SEPTIN6: variants seen among roughly 807,000 people sequenced by gnomAD.
SEPTIN6 encodes septin-6.
SEPTIN6 carries 8 observed loss-of-function variants against 33.6 expected under a neutral mutation model. The ratio of observed to expected loss-of-function variants is 0.24; its 90% CI spans 0.14 to 0.43. SEPTIN6 has a LOEUF of 0.43. Among genes scored for constraint, SEPTIN6 ranks in the 20% least tolerant of loss-of-function variants. The pLI, the probability that SEPTIN6 is intolerant of heterozygous loss-of-function variation, is 1.00. For synonymous variants in SEPTIN6, 131 were observed against 140.0 expected (o/e 0.94, Z 0.45); for missense variants, 250 against 340.8 (o/e 0.73, Z 2.10).
At chrX:119,623,264 G>A (rs767361740) in intron 10 of SEPTIN6, among the ~76,000 whole-genome samples, 1 of 112,096 alleles carries the variant, frequency 8.9e-6, no homozygotes, top group Non-Finnish European at 1.9e-5. Flanking sequence ...TTCAAACACT[G>A]ACTAGACATT....
intron 2 of SEPTIN6, among the ~76,000 whole-genome samples, chrX:119,670,727 T>C (rs1320488670): frequency 1.8e-5 from 2 of 108,634 alleles, no homozygotes; most frequent in African/African-American, 6.7e-5. Context: ...TCACCTGAGG[T>C]TGGGAGTTTG....
At position 119,684,073 on chromosome X, in the gene SEPTIN6, G is replaced by A. The variant is rs1347131033; in HGVS notation, c.31-8405C>T. Among the ~76,000 whole-genome samples the A allele has an allele frequency of 4.6e-5, 5 of 108,691 alleles. 1 individual carries two copies. The highest frequency in any genetic ancestry group is 3.0e-4 in the Admixed American group (3 of 10,046). The allele number at this position is 108,691 out of a possible 115,157, so 94.4% of individuals were successfully genotyped here. A position where few individuals can be genotyped will look rare whatever the true frequency, so the allele number is the denominator to read the frequency against. ...TCCTGCCTCAGCTTCCTGAGTAGCT[G>A]GGATTACAGGTGTGTACCACCACAC... On this transcript the variant is annotated intron_variant, in intron 1 of 10. Transcript: ENST00000394610.
At chrX:119,656,485 G>A (rs865998103) in intron 3 of SEPTIN6, among the ~76,000 whole-genome samples, 17 of 112,243 alleles carry the variant, frequency 1.5e-4, no homozygotes, top group African/African-American at 4.9e-4. Flanking sequence ...TTTGAGCAAT[G>A]GGAAGACGGC....
rs779384782 is a variant in SEPTIN6 at position 119,675,638 on chromosome X, C to T, written c.61G>A (p.Gly21Arg). Reference sequence around the variant, plus strand: ...GGCAAGCTGTCAAACCCCACATGTCCAGCCAGGGGGACAGTTCGGCAACCT... The same window carrying T: ...GGCAAGCTGTCAAACCCCACATGTCTAGCCAGGGGGACAGTTCGGCAACCT... ...GEGCRTVPLA[G>R]HVGFDSLPDQ... The change falls in exon 2 of 11, where the codon GGA becomes AGA. Residue 21 changes from glycine to arginine, a missense_variant. Gly to Arg is a moderately radical substitution (Grantham distance 125, BLOSUM62 -2). This residue lies in a region of SEPTIN6 where 111 missense variants were observed against 113.8 expected (regional missense o/e 0.98). Transcript: ENST00000394610. The T allele has an allele frequency of 4.3e-6, 5 of 1,152,799 alleles. No individual in the cohort carries two copies. The highest frequency in any genetic ancestry group is 5.8e-6 in the Non-Finnish European group (5 of 861,781).
chrX:119,691,555 C>A (rs1299801313), intron 1 of SEPTIN6, among the ~76,000 whole-genome samples: 1 of 111,828 alleles, frequency 8.9e-6, no homozygotes. Context: ...CCTGTCTACT[C>A]CTGGTCCTTC....
chrX:119,690,723 C>CAA (rs772333455), intron 1 of SEPTIN6, among the ~76,000 whole-genome samples: 229 of 22,529 alleles, frequency 0.01, 4 homozygotes, highest in African/African-American at 0.019. Flanking sequence ...GACTCCGTCT[C>CAA]AAAAAAAAAA....
rs183114699 is a variant in SEPTIN6, at chrX:119,657,122, G to A, written c.342-4082C>T. 9.2e-3 allele frequency among the ~76,000 whole-genome samples: 980 copies of A among 106,314 alleles called. 10 individuals are homozygous for A. Among genetic ancestry groups the A allele is most frequent in the Middle Eastern group, 0.023 (5 of 213 alleles). The allele number at this position is 106,314 out of a possible 115,157, so 92.3% of individuals were successfully genotyped here. On this transcript the variant is annotated intron_variant, in intron 3 of 10. Transcript: ENST00000394610. ...TAGTCCCAGCTACTCGGGAGGCTGAGGCAGGAGAATTGCTTGAACCTGGGA... is the reference window on the plus strand; with the variant it reads ...TAGTCCCAGCTACTCGGGAGGCTGAAGCAGGAGAATTGCTTGAACCTGGGA...
intron 9 of SEPTIN6, among the ~76,000 whole-genome samples, chrX:119,626,888 T>C (rs2053864970): frequency 9.0e-6 from 1 of 110,879 alleles, no homozygotes; most frequent in Non-Finnish European, 1.9e-5. Flanking sequence ...GGTTTCGCCA[T>C]GTTGCCCAGG....
At chrX:119,693,045 C>A in intron 1 of SEPTIN6, 31 bp downstream of exon 1, 1 of 1,168,817 alleles carries the variant, frequency 8.6e-7, no homozygotes, top group African/African-American at 1.8e-5. Context: ...GGCCCTCGGC[C>A]CCGGCCCTGG....
chrX:119,617,986 C>T lies in SEPTIN6; in HGVS notation c.*2107G>A. 1.2e-6 allele frequency: 1 copy of T among 803,927 alleles called. No homozygotes were observed. Among genetic ancestry groups the T allele is most frequent in the South Asian group, 6.6e-5 (1 of 15,189 alleles). The allele number at this position is 803,927 out of a possible 1,213,427, so 66.3% of individuals were successfully genotyped here. A position where few individuals can be genotyped will look rare whatever the true frequency, so the allele number is the denominator to read the frequency against. On this transcript the variant is annotated 3_prime_UTR_variant, in exon 11 of 11. Coordinates refer to ENST00000394610, the MANE Select transcript of SEPTIN6 (RefSeq NM_145799.4). ...TCCGGTTTGTAATGCAAATAATTAC[C>T]GGGCGGCGGTGTGGGGAAGTGGTGG...
At chrX:119,665,917 T>TA (rs1017662226) in intron 2 of SEPTIN6, among the ~76,000 whole-genome samples, 1 of 109,272 alleles carries the variant, frequency 9.2e-6, no homozygotes, top group Non-Finnish European at 1.9e-5. Context: ...CCGTCTCTAC[T>TA]AAAAAAATAC....
At chrX:119,622,564 T>C (rs1330303710) in intron 10 of SEPTIN6, among the ~76,000 whole-genome samples, 1 of 112,027 alleles carries the variant, frequency 8.9e-6, no homozygotes, top group Non-Finnish European at 1.9e-5. Flanking sequence ...GGGTTGGCTG[T>C]TCCAGCTGTT....
At chrX:119,664,934 G>A (rs2054610306) in intron 2 of SEPTIN6, among the ~76,000 whole-genome samples, 1 of 107,594 alleles carries the variant, frequency 9.3e-6, no homozygotes, top group Non-Finnish European at 1.9e-5. Context: ...GGCCTAAACA[G>A]CCCTCTGGGG....
intron 3 of SEPTIN6, among the ~76,000 whole-genome samples, chrX:119,660,710 G>A (rs2054521476): frequency 9.2e-6 from 1 of 109,183 alleles, no homozygotes; most frequent in African/African-American, 3.4e-5. Flanking sequence ...AACCAAACAA[G>A]ATTAGCACAA....
At position 119,685,769 on chromosome X, in the gene SEPTIN6, C is replaced by T. The variant is rs145214486; in HGVS notation, c.30+7307G>A. Among the ~76,000 whole-genome samples the T allele has an allele frequency of 5.1e-3, 567 of 111,648 alleles. 1 individual carries two copies. The highest frequency in any genetic ancestry group is 0.018 in the African/African-American group (545 of 30,783). ...GGGCAGAAGGGTCAAGGAACCGAAT[C>T]TGGAAACCCGTGAGCTCCCCAAGGT... On this transcript the variant is annotated intron_variant, in intron 1 of 10. Transcript: ENST00000394610.
chrX:119,642,517 C>T (rs184515853), intron 5 of SEPTIN6, among the ~76,000 whole-genome samples: 1 of 110,378 alleles, frequency 9.1e-6, no homozygotes, highest in East Asian at 2.9e-4. Flanking sequence ...TCAAACCCCA[C>T]CCCTTGCTGG....
At chrX:119,653,540 C>A (rs1346287041) in intron 3 of SEPTIN6, among the ~76,000 whole-genome samples, 1 of 112,378 alleles carries the variant, frequency 8.9e-6, no homozygotes, top group African/African-American at 3.2e-5. Context: ...TGTAGAGGGA[C>A]TGATTTTCCT....
chrX:119,668,675 G>A (rs899714892), intron 2 of SEPTIN6, among the ~76,000 whole-genome samples: 6 of 110,963 alleles, frequency 5.4e-5, no homozygotes, highest in Non-Finnish European at 1.1e-4. Flanking sequence ...TGGAGGGGCC[G>A]GGCGCAGTGG....
At chrX:119,625,544 CTTTT>C (rs745338582) in intron 9 of SEPTIN6, 165 bp from the exon 10 acceptor site, 730 of 346,413 alleles carry the variant, frequency 2.1e-3, no homozygotes, top group Middle Eastern at 4.0e-3. Context: ...CACTGATACT[CTTTT>C]TTTTTTTTTT....
Sources: gnomAD v4.1 joint callset for allele counts (sites outside exome capture counted in the v4.1 genomes callset) on GRCh38, gnomAD v4.1.1 for gene constraint, gnomAD v4.1.1 regional missense constraint, MANE v1.5 for transcripts, NCBI Gene and HGNC (gene_info 2026-07-23, HGNC 2026-07-21) for gene names.